The following TP53BP2 variants were observed in gnomAD, a reference collection of about 807,000 sequenced individuals.
The protein encoded by TP53BP2 is apoptosis-stimulating of p53 protein 2.
Under a neutral mutation model 126.2 loss-of-function variants are expected in TP53BP2, and 62 were observed. That is an observed-to-expected ratio of 0.49 (90% CI 0.40 to 0.61). The LOEUF is 0.61. TP53BP2 is among the 20% of genes least tolerant of loss of function. The pLI is 0.00. For synonymous variants in TP53BP2, 485 were observed against 502.9 expected, an observed-to-expected ratio of 0.96 and a Z score of 0.48; for missense variants, 1,215 against 1,402.8, an observed-to-expected ratio of 0.87 and a Z score of 2.14.
chr1:223,831,062 C>A (rs1170592554), intron 1 of TP53BP2, among the ~76,000 whole-genome samples: 1 of 151,378 alleles, frequency 6.6e-6, no homozygotes, highest in Non-Finnish European at 1.5e-5. Flanking sequence ...CGCGCCACTG[C>A]ACTCCAGCCT....
chr1:223,804,430 G>C (rs1662644839), intron 5 of TP53BP2, 82 bp from the exon 6 acceptor site: 2 of 1,272,490 alleles, frequency 1.6e-6, no homozygotes, highest in East Asian at 2.3e-5. Flanking sequence ...GCAACACTTA[G>C]ATGTTGAGAT....
chr1:223,791,966 T>C (rs1662170542), intron 15 of TP53BP2, among the ~76,000 whole-genome samples: 1 of 152,266 alleles, frequency 6.6e-6, no homozygotes, highest in South Asian at 2.1e-4. Context: ...ATGGATTCCA[T>C]GGTCAAATAT....
intron 12 of TP53BP2, among the ~76,000 whole-genome samples, chr1:223,797,654 G>A (rs182664498): frequency 6.6e-6 from 1 of 151,902 alleles, no homozygotes; most frequent in Admixed American, 6.6e-5. Flanking sequence ...CAGGTGACCC[G>A]CCCACCTTGG....
rs767305335 is a variant in TP53BP2, at chr1:223,821,186, A to G, written c.175+34T>C. ...CAAACCAACATTAATAGAAGACAGA[A>G]GAACTAAAGCACGAGGCTGTCAGCG... On this transcript the variant is annotated intron_variant, in intron 2 of 17. Transcript: ENST00000343537. The G allele has an allele frequency of 1.9e-6, 3 of 1,613,676 alleles. 1 individual carries two copies. In the South Asian group the frequency reaches 3.3e-5, roughly 18 times the overall value.
chr1:223,840,974 T>A (rs1273479132), intron 1 of TP53BP2, among the ~76,000 whole-genome samples: 1 of 152,172 alleles, frequency 6.6e-6, no homozygotes, highest in African/African-American at 2.4e-5. Flanking sequence ...GAGATGCTCC[T>A]GGGTGCGGTG....
intron 1 of TP53BP2, among the ~76,000 whole-genome samples, chr1:223,823,932 C>T (rs939391197): frequency 1.3e-5 from 2 of 152,188 alleles, no homozygotes; most frequent in Admixed American, 1.3e-4. Flanking sequence ...ATATGCTAAA[C>T]ACACACCTTA....
chr1:223,824,644 C>T (rs182496048), intron 1 of TP53BP2, among the ~76,000 whole-genome samples: 10 of 152,216 alleles, frequency 6.6e-5, no homozygotes, highest in Admixed American at 4.6e-4. Context: ...GCACATCCTG[C>T]ACCTGTATCC....
intron 3 of TP53BP2, among the ~76,000 whole-genome samples, chr1:223,812,307 G>A (rs1222124): frequency 0.17 from 25,761 of 152,128 alleles, 3,485 homozygotes; most frequent in African/African-American, 0.36. Context: ...CAGCTAACCC[G>A]TACTATAAAT....
At chr1:223,791,544 C>T (rs950897779) in intron 15 of TP53BP2, among the ~76,000 whole-genome samples, 2 of 151,982 alleles carry the variant, frequency 1.3e-5, no homozygotes, top group Admixed American at 6.6e-5. Flanking sequence ...CACAGTCACG[C>T]GGTAGAGTAA....
chr1:223,831,228 TAAA>T (rs34353727), intron 1 of TP53BP2, among the ~76,000 whole-genome samples: 5,692 of 133,086 alleles, frequency 0.043, 388 homozygotes, highest in African/African-American at 0.15. Flanking sequence ...CCATTTATAT[TAAA>T]AAAAAAAAAA....
At chr1:223,793,933 A>C (rs1274099817) in intron 13 of TP53BP2, among the ~76,000 whole-genome samples, 1 of 152,176 alleles carries the variant, frequency 6.6e-6, no homozygotes, top group Non-Finnish European at 1.5e-5. Context: ...TATGATCCCT[A>C]GTTTACAGAT....
intron 1 of TP53BP2, among the ~76,000 whole-genome samples, chr1:223,840,684 GTTT>G (rs200209944): frequency 0.012 from 1,782 of 152,296 alleles, 36 homozygotes; most frequent in African/African-American, 0.041. Flanking sequence ...AGAAAAGAAA[GTTT>G]TGTTTTATTG....
intron 1 of TP53BP2, among the ~76,000 whole-genome samples, chr1:223,823,702 A>T (rs1663395279): frequency 6.6e-6 from 1 of 152,242 alleles, no homozygotes; most frequent in Non-Finnish European, 1.5e-5. Context: ...TAAAACGATT[A>T]ACAAAGCACA....
At chr1:223,821,135 T>C (rs998371757) in intron 2 of TP53BP2, 85 bp downstream of exon 2, 13 of 1,542,966 alleles carry the variant, frequency 8.4e-6, no homozygotes, top group African/African-American at 1.4e-5. Context: ...CGGAGAAACA[T>C]GAGCATTCAC....
At position 223,806,341 on chromosome 1, in the gene TP53BP2, A is replaced by G. The variant is rs1012723530; in HGVS notation, c.474+505T>C. 2.0e-5 allele frequency among the ~76,000 whole-genome samples: 3 copies of G among 152,146 alleles called. No individual in the cohort carries two copies. The East Asian group carries it at 5.8e-4, about 29-fold the overall frequency. The stretch of plus-strand genomic sequence containing the variant: ...GTCAGAAAGATCTTGAACAATTAGG[A>G]TGATACAAGGATTTCTACAAAATGC... On this transcript the variant is annotated intron_variant, in intron 5 of 17. Coordinates refer to ENST00000343537, the MANE Select transcript of TP53BP2 (RefSeq NM_001031685.3).
Position 223,789,072 on chromosome 1 carries a change from C to T in TP53BP2, c.3099G>A (p.Gln1033=). 6.2e-7 allele frequency: 1 copy of T among 1,614,198 alleles called. No homozygotes were observed. Among genetic ancestry groups the T allele is most frequent in the African/African-American group, 1.3e-5 (1 of 75,044 alleles). Reference sequence around the variant, plus strand: ...TTTCCTCGCACTTATCTGCAGCAGTCTGCATGTCACTGTAGGTCATGGCAA... The same window carrying T: ...TTTCCTCGCACTTATCTGCAGCAGTTTGCATGTCACTGTAGGTCATGGCAA... The part of the protein sequence containing the change: ...AVFAMTYSDM[Q]TAADKCEEME... Residue 1033 remains glutamine (Q), a synonymous_variant, in exon 16 of 18, where the codon CAG becomes CAA. Coordinates refer to ENST00000343537, the MANE Select transcript of TP53BP2 (RefSeq NM_001031685.3).
intron 2 of TP53BP2, among the ~76,000 whole-genome samples, chr1:223,817,663 T>C (rs916646231): frequency 2.6e-5 from 4 of 152,248 alleles, no homozygotes; most frequent in Non-Finnish European, 4.4e-5. Flanking sequence ...TGGTGGCTCA[T>C]GTCTGTAATC....
At position 223,845,922 on chromosome 1, in the gene TP53BP2, G is replaced by C. The variant is rs1263724648; in HGVS notation, c.-242C>G. On this transcript the variant is annotated 5_prime_UTR_variant, in exon 1 of 18. Coordinates refer to ENST00000343537, the MANE Select transcript of TP53BP2 (RefSeq NM_001031685.3). ...TGTCTCTTCGACGCTCGTGACGGTCGGGGCTCCCTCCTCCGCTCCGAAACC... is the reference window on the plus strand; with the variant it reads ...TGTCTCTTCGACGCTCGTGACGGTCCGGGCTCCCTCCTCCGCTCCGAAACC... The C allele has an allele frequency of 3.9e-6, 1 of 259,440 alleles. No homozygotes were observed. The highest frequency in any genetic ancestry group is 7.2e-6 in the Non-Finnish European group (1 of 138,574). 16.1% of individuals were successfully genotyped at this position (259,440 alleles called of 1,614,324 possible). A position where few individuals can be genotyped will look rare whatever the true frequency, so the allele number is the denominator to read the frequency against.
intron 11 of TP53BP2, 31 bp from the exon 12 acceptor site, chr1:223,798,708 A>G (rs746373935): frequency 1.0e-5 from 15 of 1,506,050 alleles, no homozygotes; most frequent in Non-Finnish European, 1.1e-5. Context: ...GCCAGTTAAA[A>G]TACTATATAA....
Sources: allele counts gnomAD v4.1 joint callset (sites outside exome capture counted in the v4.1 genomes callset), GRCh38; gene constraint gnomAD v4.1.1; transcripts MANE v1.5; gene names NCBI Gene and HGNC (gene_info 2026-07-23, HGNC 2026-07-21).